Variants in CLUH observed in about 807,000 individuals in gnomAD.
The protein encoded by CLUH is CLUH binding protein of NUMT mRNA.
CLUH carries 77 observed loss-of-function variants against 139.3 expected under a neutral mutation model. The observed-to-expected ratio is 0.55, with a 90% CI of 0.46 to 0.67. CLUH has a LOEUF of 0.67. CLUH is among the 30% of genes least tolerant of loss of function. CLUH has a pLI of 0.00. For synonymous variants in CLUH, 999 were observed against 801.6 expected (o/e 1.25, Z -4.16); for missense variants, 1,876 against 1,875.8 (o/e 1.00, Z 0.00).
intron 6 of CLUH, 21 bp from the exon 7 acceptor site, chr17:2,701,286 C>A (rs762553119): frequency 6.9e-5 from 111 of 1,609,014 alleles, no homozygotes; most frequent in Non-Finnish European, 8.4e-5. Flanking sequence ...AGGGCGGGCA[C>A]TGAGCGGGGG....
In CLUH at chr17:2,696,851, G is replaced by A. The variant is rs1442952242; in HGVS notation, c.2053C>T (p.Pro685Ser). ...ETPSSLENGG[P>S]SSLESKSEDP... is the part of the protein sequence containing the mutation. ...TCAGACTTGGACTCCAAGGAGGAAG[G>A]ACCACCATTTTCCAGGGAGGAGGGG... Residue 685 changes from proline (P) to serine (S), a missense_variant, in exon 11 of 26, where the codon CCT (proline) becomes TCT (serine). Physicochemically the swap from Pro to Ser is moderately conservative, Grantham distance 74. Coordinates refer to ENST00000651024, the MANE Select transcript of CLUH (RefSeq NM_001366661.1). 3.1e-6 allele frequency: 5 copies of A among 1,613,418 alleles called. No homozygotes were observed. Among genetic ancestry groups the A allele is most frequent in the Admixed American group, 1.7e-5 (1 of 59,994 alleles).
At position 2,701,913 on chromosome 17, in the gene CLUH, C is replaced by T. The variant is rs942782907; in HGVS notation, c.619+1G>A. 6.2e-7 allele frequency: 1 copy of T among 1,613,610 alleles called. No individual in the cohort carries two copies. The highest frequency in any genetic ancestry group is 1.3e-5 in the African/African-American group (1 of 74,960). ...ATCCCCGGCCCCAGTGCCTCCCGCA[C>T]CTCCCAGGTCGCCGTCGGTGAAGAC... On this transcript the variant is annotated splice_donor_variant, in intron 4 of 25. Coordinates refer to ENST00000651024, the MANE Select transcript of CLUH (RefSeq NM_001366661.1). LOFTEE classifies it high-confidence loss of function.
In CLUH at chr17:2,690,303, G is replaced by T. The variant is rs556201893; in HGVS notation, c.*291C>A. ...AGGGGCGCACTCGCACACGCCGGCC[G>T]GACGGCGGGGGCCGAAGCAACACCT... is the stretch of plus-strand genomic sequence containing the variant. On this transcript the variant is annotated 3_prime_UTR_variant, in exon 26 of 26. Transcript: ENST00000651024. The T allele has an allele frequency of 2.1e-5, 8 of 375,516 alleles. No individual in the cohort carries two copies. Among genetic ancestry groups the T allele is most frequent in the Non-Finnish European group, 3.8e-5 (8 of 210,588 alleles). The allele number at this position is 375,516 out of a possible 1,614,324, so 23.3% of individuals were successfully genotyped here.
At position 2,706,957 on chromosome 17, in the gene CLUH, T is replaced by A. The variant is rs1400368231; in HGVS notation, c.101-2393A>T. Among the ~76,000 whole-genome samples the A allele has an allele frequency of 6.6e-6, 1 of 152,202 alleles. No homozygotes were observed. Among genetic ancestry groups the A allele is most frequent in the East Asian group, 1.9e-4 (1 of 5,194 alleles). On this transcript the variant is annotated intron_variant, in intron 1 of 25. Transcript: ENST00000651024. The surrounding 1 kb of genome is among the most constrained non-coding windows in gnomAD (Gnocchi z 4.6). Reference sequence around the variant, plus strand: ...AAGGTGGCCGCGGCTCCCACTCTCCTTCCCCAGCCCAGGGAGACGACCCTC... The same window carrying A: ...AAGGTGGCCGCGGCTCCCACTCTCCATCCCCAGCCCAGGGAGACGACCCTC...
At chr17:2,700,602 AG>A (rs1458967746) in intron 8 of CLUH, 75 bp downstream of exon 8, 54 of 1,529,416 alleles carry the variant, frequency 3.5e-5, no homozygotes, top group Non-Finnish European at 4.3e-5. Flanking sequence ...TGGGGCCTCC[AG>A]GGAAGTGCAC....
chr17:2,705,675 G>A (rs537485929), intron 1 of CLUH, among the ~76,000 whole-genome samples: 139 of 152,226 alleles, frequency 9.1e-4, no homozygotes, highest in African/African-American at 2.9e-3. Context: ...TGCACCCAGG[G>A]TGGCGTCCTC....
rs1344666551 is a variant in CLUH, at chr17:2,701,139, C to T, written c.1025+1G>A. On this transcript the variant is annotated splice_donor_variant, in intron 7 of 25. Coordinates refer to ENST00000651024, the MANE Select transcript of CLUH (RefSeq NM_001366661.1). LOFTEE classifies it high-confidence loss of function. ...AAGGCGGGAGGGGACAAAGGCACTA[C>T]CTTTTCTTCTGCAGCACAGCGAAGT... 1.2e-6 allele frequency: 2 copies of T among 1,613,782 alleles called. No homozygotes were observed. Among genetic ancestry groups the T allele is most frequent in the Admixed American group, 1.7e-5 (1 of 60,008 alleles).
intron 7 of CLUH, 96 bp downstream of exon 7, chr17:2,701,044 G>T: frequency 6.3e-7 from 1 of 1,584,988 alleles, no homozygotes; most frequent in African/African-American, 1.3e-5. Flanking sequence ...GGCCCAGGGC[G>T]GTTTCTTCAG....
intron 1 of CLUH, among the ~76,000 whole-genome samples, chr17:2,705,144 C>T (rs1289467721): frequency 6.6e-6 from 1 of 152,050 alleles, no homozygotes; most frequent in Non-Finnish European, 1.5e-5. Flanking sequence ...TCCCAGGCAT[C>T]AACATGTGGC....
In CLUH at chr17:2,690,689, G is replaced by C; in HGVS notation, c.3952C>G (p.Pro1318Ala). The C allele has an allele frequency of 6.4e-7, 1 of 1,564,374 alleles. No individual in the cohort carries two copies. Among genetic ancestry groups the C allele is most frequent in the East Asian group, 2.4e-5 (1 of 41,374 alleles). The change falls in exon 26 of 26, where the codon CCC (proline) becomes GCC (alanine). Residue 1318 changes from proline to alanine, a missense_variant. By Grantham distance (27) the Pro-to-Ala change is conservative. Around this residue, in one of 3 missense-constraint regions of CLUH, gnomAD observed 1,454 missense variants for 1,384.4 expected, o/e 1.05. Transcript: ENST00000651024. ...GCTGGCGCGGGCTCGGTAGCCATGG[G>C]CTCCTCGGCTCTATCCCTGTTTCTG... Reference protein sequence around the residue: ...ASRNRDRAEEPMATEPAPAGA... With the variant: ...ASRNRDRAEEAMATEPAPAGA...
chr17:2,707,295 G>A lies in CLUH; in HGVS notation c.101-2731C>T, dbSNP rs763553663. ...CGGGTTCCTTGTTCCAGCCTCTGCC[G>A]CTACCCTTGCCCTAATGCAGCCAGT... On this transcript the variant is annotated intron_variant, in intron 1 of 25. Coordinates refer to ENST00000651024, the MANE Select transcript of CLUH (RefSeq NM_001366661.1). This position sits in a 1 kb window ranked among gnomAD's most constrained non-coding sequence, Gnocchi z 7.4. The A allele has an allele frequency of 4.4e-5, 43 of 985,282 alleles. No homozygotes were observed. The highest frequency in any genetic ancestry group is 4.7e-5 in the Non-Finnish European group (39 of 829,924). The allele number at this position is 985,282 out of a possible 1,614,324, so 61.0% of individuals were successfully genotyped here.
Position 2,690,600 on chromosome 17 carries a change from C to G in CLUH, c.4041G>C (p.Gln1347His), listed in dbSNP as rs200380079. The G allele has an allele frequency of 1.8e-4, 264 of 1,485,156 alleles. No individual in the cohort carries two copies. The African/African-American group carries it at 3.6e-3, about 20-fold the overall frequency. The allele number at this position is 1,485,156 out of a possible 1,614,324, so 92.0% of individuals were successfully genotyped here. A position where few individuals can be genotyped will look rare whatever the true frequency, so the allele number is the denominator to read the frequency against. The change falls in exon 26 of 26, where the codon CAG (glutamine) becomes CAC (histidine). Residue 1347 changes from glutamine to histidine, a missense_variant. This residue lies in a region of CLUH where 1,454 missense variants were observed against 1,384.4 expected (regional missense o/e 1.05). Coordinates refer to ENST00000651024, the MANE Select transcript of CLUH (RefSeq NM_001366661.1). Reference sequence around the variant, plus strand: ...TGTCCGTCTGGCTCCCTCTCTATCCCTGCACGCTCGGAGAAGGGTCCTTGG... The same window carrying G: ...TGTCCGTCTGGCTCCCTCTCTATCCGTGCACGCTCGGAGAAGGGTCCTTGG... ...PAAKDPSPSV[Q>H]G
At chr17:2,708,869 G>A (rs541330015) in intron 1 of CLUH, among the ~76,000 whole-genome samples, 2,590 of 98,692 alleles carry the variant, frequency 0.026, 86 homozygotes, top group African/African-American at 0.063. Context: ...TCGGGGGGGG[G>A]GGAGCAGAAC....
chr17:2,698,195 C>G lies in CLUH; in HGVS notation c.1662G>C (p.Arg554=), dbSNP rs370842343. The change falls in exon 10 of 26, where the codon CGG becomes CGC. Residue 554 remains arginine (R), a synonymous_variant. Coordinates refer to ENST00000651024, the MANE Select transcript of CLUH (RefSeq NM_001366661.1). ...DFGKTVVSHP[R]YLELLERTSR... is the part of the protein sequence containing the mutation. ...TCGTGCGCTCCAGCAGCTCCAGGTACCGCGGGTGTGACACCACGGTCTTGC... is the reference window on the plus strand; with the variant it reads ...TCGTGCGCTCCAGCAGCTCCAGGTAGCGCGGGTGTGACACCACGGTCTTGC... 108 of 1,576,684 alleles carry G rather than the reference C, an allele frequency of 6.8e-5. No individual in the cohort carries two copies. The African/African-American group carries it at 1.3e-3, about 19-fold the overall frequency.
At chr17:2,691,514 T>TGGC in intron 25 of CLUH, 95 bp downstream of exon 25, 1 of 1,259,546 alleles carries the variant, frequency 7.9e-7, no homozygotes, top group South Asian at 1.3e-5. Flanking sequence ...TGAGCCGGGA[T>TGGC]GGCGCCGCCG....
Position 2,694,943 on chromosome 17 carries a change from G to A in CLUH, c.2766C>T (p.Asn922=), listed in dbSNP as rs371894031. The A allele has an allele frequency of 1.1e-4, 185 of 1,611,340 alleles. No homozygotes were observed. The highest frequency in any genetic ancestry group is 1.5e-4 in the Non-Finnish European group (175 of 1,178,846). Residue 922 remains asparagine (N), a synonymous_variant, in exon 16 of 26, where the codon AAC becomes AAT. Coordinates refer to ENST00000651024, the MANE Select transcript of CLUH (RefSeq NM_001366661.1). The part of the protein sequence containing the change: ...RKNRPPGAAD[N]TAWAVMTPQE... ...GGGGGGTCATGACAGCCCAGGCTGT[G>A]TTATCTGCAGCCCCCGGGGGCCGGT...
In CLUH at chr17:2,703,375, A is replaced by G; in HGVS notation, c.418T>C (p.Ser140Pro). The change falls in exon 3 of 26, where the codon TCG (serine) becomes CCG (proline). Residue 140 changes from serine to proline, a missense_variant. By Grantham distance (74) the Ser-to-Pro change is moderately conservative. Around this residue, in one of 3 missense-constraint regions of CLUH, gnomAD observed 270 missense variants for 354.7 expected, o/e 0.76. Transcript: ENST00000651024. The surrounding 1 kb of genome is among the most constrained non-coding windows in gnomAD (Gnocchi z 4.2). ...AGCCCCTCGACGCTGCGCAGCTCCG[A>G]GAAGTGGTCCAGCACGTTGCCATCC... ...HLDGNVLDHF[S>P]ELRSVEGLQE... The G allele has an allele frequency of 6.2e-7, 1 of 1,613,388 alleles. No homozygotes were observed. The highest frequency in any genetic ancestry group is 8.5e-7 in the Non-Finnish European group (1 of 1,179,774).
At chr17:2,697,783 CCTT>C (rs1227326289) in intron 10 of CLUH, 110 bp downstream of exon 10, 126 of 1,014,244 alleles carry the variant, frequency 1.2e-4, no homozygotes, top group Non-Finnish European at 1.7e-4. Context: ...TAGACGGAGC[CCTT>C]CTTCACTCTC....
chr17:2,710,817 A>C (rs2070492450), intron 1 of CLUH, among the ~76,000 whole-genome samples: 1 of 151,974 alleles, frequency 6.6e-6, no homozygotes, highest in Non-Finnish European at 1.5e-5. Context: ...AAAAACAGCA[A>C]CTCTGGTCTG....
Sources: allele counts gnomAD v4.1 joint callset (sites outside exome capture counted in the v4.1 genomes callset), GRCh38; gene constraint gnomAD v4.1.1; regional missense constraint gnomAD v4.1.1; non-coding constraint Gnocchi (gnomAD v3.1); transcripts MANE v1.5; gene names NCBI Gene and HGNC (gene_info 2026-07-23, HGNC 2026-07-21).